The following COA8 variants were observed in gnomAD, a reference collection of about 807,000 sequenced individuals.
The protein encoded by COA8 is UPF0671 protein C14orf153.
Under a neutral mutation model 22.0 loss-of-function variants are expected in COA8, and 20 were observed. The observed-to-expected ratio is 0.91, with a 90% CI of 0.64 to 1.32. The LOEUF (loss-of-function observed/expected upper bound fraction) is 1.32, where lower values mean the gene tolerates loss of function less well. Ranked by LOEUF, COA8 falls within the 40% of genes most tolerant of loss-of-function variation. The pLI, the probability that COA8 is intolerant of heterozygous loss-of-function variation, is 0.00. For synonymous variants in COA8, 105 were observed against 79.9 expected (o/e 1.31, Z -1.68); for missense variants, 266 against 230.0 (o/e 1.16, Z -1.01).
chr14:103,587,483 T>C (rs2076316720), intron 4 of COA8, 119 bp downstream of exon 4: 1 of 549,204 alleles, frequency 1.8e-6, no homozygotes, highest in Non-Finnish European at 3.0e-6. Flanking sequence ...TGCAAGACTT[T>C]ATCAACTTTT....
intron 3 of COA8, among the ~76,000 whole-genome samples, chr14:103,577,898 C>T (rs1287814767): frequency 6.6e-6 from 1 of 151,832 alleles, no homozygotes; most frequent in Non-Finnish European, 1.5e-5. Context: ...GTGATGCATG[C>T]CTGTAATCCC....
chr14:103,580,354 G>GC (rs2076258533), intron 3 of COA8, among the ~76,000 whole-genome samples: 1 of 151,960 alleles, frequency 6.6e-6, no homozygotes, highest in African/African-American at 2.4e-5. Context: ...TGTCACCCAG[G>GC]CTGGAGTGCA....
chr14:103,571,581 G>A (rs1425831400), intron 1 of COA8, 42 bp from the exon 2 acceptor site: 1 of 1,495,714 alleles, frequency 6.7e-7, no homozygotes, highest in South Asian at 1.2e-5. Context: ...TAATACTAGA[G>A]ATTCATTTTG....
At chr14:103,572,328 C>T (rs778710718) in intron 2 of COA8, among the ~76,000 whole-genome samples, 11 of 152,074 alleles carry the variant, frequency 7.2e-5, no homozygotes, top group Non-Finnish European at 1.0e-4. Context: ...AATGGTCATT[C>T]GTAGAACCAC....
chr14:103,582,160 C>G (rs568406119), intron 3 of COA8, among the ~76,000 whole-genome samples: 1 of 152,182 alleles, frequency 6.6e-6, no homozygotes, highest in East Asian at 1.9e-4. Flanking sequence ...GCCCAGCGCT[C>G]TTACAAGAGA....
intron 3 of COA8, among the ~76,000 whole-genome samples, chr14:103,578,189 C>G (rs1169082863): frequency 6.6e-6 from 1 of 151,746 alleles, no homozygotes; most frequent in African/African-American, 2.4e-5. Flanking sequence ...GCCAGACTGT[C>G]TCCAAAAAAA....
In COA8 at chr14:103,563,076, A is replaced by T. The variant is rs372626805; in HGVS notation, c.75A>T (p.Gln25His). Residue 25 changes from glutamine to histidine, a missense_variant, in exon 1 of 5, where the codon CAA (glutamine) becomes CAT (histidine). Gln to His is a conservative substitution (Grantham distance 24). Coordinates refer to ENST00000409074, the MANE Select transcript of COA8 (RefSeq NM_001370595.2). ...LCRAFACRGCQLAPERGAERR... is the reference protein window; with the variant it reads ...LCRAFACRGCHLAPERGAERR... ...GCGCCTTCGCCTGCCGCGGCTGTCA[A>T]CTCGCTCCGGAGCGCGGCGCCGAGC... The T allele has an allele frequency of 2.6e-6, 4 of 1,540,880 alleles. No homozygotes were observed. The South Asian group carries it at 4.7e-5, about 18-fold the overall frequency.
chr14:103,584,077 G>A (rs552845547), intron 3 of COA8, among the ~76,000 whole-genome samples: 4 of 152,068 alleles, frequency 2.6e-5, no homozygotes, highest in South Asian at 4.2e-4. Context: ...TCACTCTGTC[G>A]CCCAGGCTGA....
At chr14:103,574,668 C>T (rs1005203626) in intron 3 of COA8, 1 of 339,374 alleles carries the variant, frequency 2.9e-6, no homozygotes, top group African/African-American at 2.2e-5. Flanking sequence ...AAGTGCCATT[C>T]CTACTAATCC....
Position 103,590,175 on chromosome 14 carries a change from C to G in COA8, c.477-6C>G, listed in dbSNP as rs1432586632. The G allele has an allele frequency of 1.2e-6, 2 of 1,612,126 alleles. No homozygotes were observed. Among genetic ancestry groups the G allele is most frequent in the Non-Finnish European group, 1.7e-6 (2 of 1,178,292 alleles). ...TGTCACCTGTGCATCCTCTGTTTCT[C>G]TACAGAGATTGGTACAAGCGCAATT... On this transcript the variant is annotated splice_region_variant and splice_polypyrimidine_tract_variant and intron_variant, in intron 4 of 4. Transcript: ENST00000409074.
intron 4 of COA8, among the ~76,000 whole-genome samples, 166 bp downstream of exon 4, chr14:103,587,530 C>T (rs1415916231): frequency 4.6e-5 from 6 of 130,218 alleles, no homozygotes; most frequent in Admixed American, 1.7e-4. Context: ...TTTTTTGAGA[C>T]GGAGTTTCGC....
At chr14:103,585,245 A>G (rs1194268300) in intron 3 of COA8, among the ~76,000 whole-genome samples, 1 of 151,938 alleles carries the variant, frequency 6.6e-6, no homozygotes, top group Non-Finnish European at 1.5e-5. Context: ...TTGGGAGGCC[A>G]AGGCGGGTGG....
chr14:103,589,913 C>CA lies in COA8; in HGVS notation c.477-256dup, dbSNP rs1026898331. On this transcript the variant is annotated intron_variant, in intron 4 of 4. Coordinates refer to ENST00000409074, the MANE Select transcript of COA8 (RefSeq NM_001370595.2). The stretch of plus-strand genomic sequence containing the variant: ...TGGGCGACAGACCGAGACTCCGTCT[C>CA]AAAAAAAAAAAACACCAAAGGAGGA... Among the ~76,000 whole-genome samples the CA allele has an allele frequency of 4.2e-3, 556 of 132,256 alleles. 2 individuals carry two copies. Among genetic ancestry groups the CA allele is most frequent in the Middle Eastern group, 0.012 (3 of 252 alleles). The allele number at this position is 132,256 out of a possible 152,430, so 86.8% of individuals were successfully genotyped here.
rs1415523515 is a variant in COA8, at chr14:103,563,094, C to T, written c.93C>T (p.Gly31=). 1.3e-6 allele frequency: 2 copies of T among 1,539,514 alleles called. No individual in the cohort carries two copies. Among genetic ancestry groups the T allele is most frequent in the East Asian group, 2.4e-5 (1 of 41,454 alleles). ...GCTGTCAACTCGCTCCGGAGCGCGG[C>T]GCCGAGCGCAGGGATACGGCGCCCA... ...CRGCQLAPER[G]AERRDTAPSG... is the part of the protein sequence containing the mutation. The change falls in exon 1 of 5, where the codon GGC becomes GGT. Residue 31 remains glycine, a synonymous_variant. Transcript: ENST00000409074.
intron 2 of COA8, among the ~76,000 whole-genome samples, chr14:103,572,405 C>T (rs1256531983): frequency 2.0e-5 from 3 of 152,166 alleles, no homozygotes; most frequent in African/African-American, 7.2e-5. Context: ...ACATGTTTTA[C>T]ACACATAGGT....
intron 3 of COA8, among the ~76,000 whole-genome samples, chr14:103,580,266 G>T (rs2076257849): frequency 6.6e-6 from 1 of 151,616 alleles, no homozygotes; most frequent in Non-Finnish European, 1.5e-5. Context: ...TTTTTTTGTA[G>T]AATTTTTTTC....
Position 103,581,247 on chromosome 14 carries a change from A to G in COA8, c.386-6027A>G, listed in dbSNP as rs768569868. 3.3e-5 allele frequency among the ~76,000 whole-genome samples: 5 copies of G among 152,182 alleles called. No individual in the cohort carries two copies. The highest frequency in any genetic ancestry group is 7.3e-5 in the Non-Finnish European group (5 of 68,038). On this transcript the variant is annotated intron_variant, in intron 3 of 4. Coordinates refer to ENST00000409074, the MANE Select transcript of COA8 (RefSeq NM_001370595.2). This position sits in a 1 kb window ranked among gnomAD's most constrained non-coding sequence, Gnocchi z 4.1. ...ATAAATTAGGCATGAGAGACTAGCAATGATAACTAATAAAATAGAACAAGT... is the reference window on the plus strand; with the variant it reads ...ATAAATTAGGCATGAGAGACTAGCAGTGATAACTAATAAAATAGAACAAGT...
At position 103,564,628 on chromosome 14, in the gene COA8, G is replaced by GGA. The variant is rs1360438305; in HGVS notation, c.123+1506_123+1507dup. ...GGAGTCTCCCTCTGTCGCCCAGGTG[G>GGA]GAGTACAGTGGCGTGATCTCAGCTC... On this transcript the variant is annotated intron_variant, in intron 1 of 4. Coordinates refer to ENST00000409074, the MANE Select transcript of COA8 (RefSeq NM_001370595.2). Among the ~76,000 whole-genome samples, 4 of 143,580 alleles carry GGA rather than the reference G, an allele frequency of 2.8e-5. No individual in the cohort carries two copies. In the East Asian group the frequency reaches 8.2e-4, roughly 30 times the overall value. The allele number at this position is 143,580 out of a possible 152,430, so 94.2% of individuals were successfully genotyped here. A position where few individuals can be genotyped will look rare whatever the true frequency, so the allele number is the denominator to read the frequency against.
chr14:103,568,129 T>C (rs1013390889), intron 1 of COA8, among the ~76,000 whole-genome samples: 3 of 152,206 alleles, frequency 2.0e-5, no homozygotes, highest in South Asian at 2.1e-4. Context: ...GCAAGAACGC[T>C]AAGAGCTTGC....
Sources: gnomAD v4.1 joint callset for allele counts (sites outside exome capture counted in the v4.1 genomes callset) on GRCh38, gnomAD v4.1.1 for gene constraint, Gnocchi (gnomAD v3.1) non-coding constraint, MANE v1.5 for transcripts, NCBI Gene and HGNC (gene_info 2026-07-23, HGNC 2026-07-21) for gene names.